ZNF236: variants seen among roughly 807,000 people sequenced by gnomAD.
ZNF236 encodes the protein regulated by glucose.
Under a neutral mutation model 191.2 loss-of-function variants are expected in ZNF236, and 50 were observed. The observed-to-expected ratio is 0.26, with a 90% CI of 0.21 to 0.33. ZNF236 has a LOEUF of 0.33. ZNF236 is among the 10% of genes least tolerant of loss of function. ZNF236 has a pLI of 1.00. For synonymous variants in ZNF236, 907 were observed against 928.8 expected, an observed-to-expected ratio of 0.98 and a Z score of 0.43; for missense variants, 1,754 against 2,374.5, an observed-to-expected ratio of 0.74 and a Z score of 5.43.
chr18:76,840,115 A>G (rs1975436115), intron 1 of ZNF236, among the ~76,000 whole-genome samples: 1 of 152,172 alleles, frequency 6.6e-6, no homozygotes, highest in Non-Finnish European at 1.5e-5. Flanking sequence ...ATATACATTT[A>G]CCCAAGTTTA....
At chr18:76,863,940 G>A (rs1042012855) in intron 3 of ZNF236, among the ~76,000 whole-genome samples, 1 of 152,220 alleles carries the variant, frequency 6.6e-6, no homozygotes, top group Non-Finnish European at 1.5e-5. Context: ...AACGTGGAGA[G>A]TGTTTTTGGA....
At chr18:76,862,012 C>T (rs1341254593) in intron 3 of ZNF236, among the ~76,000 whole-genome samples, 3 of 152,088 alleles carry the variant, frequency 2.0e-5, no homozygotes, top group Admixed American at 1.3e-4. Context: ...GACAGGCGCC[C>T]GTCACCACGC....
chr18:76,940,847 C>A (rs1968118753), intron 26 of ZNF236, among the ~76,000 whole-genome samples: 1 of 152,210 alleles, frequency 6.6e-6, no homozygotes, highest in Non-Finnish European at 1.5e-5. Context: ...ATCCAGGCCG[C>A]ACAGCAGGGG....
intron 25 of ZNF236, among the ~76,000 whole-genome samples, chr18:76,930,853 A>G (rs932279603): frequency 2.0e-5 from 3 of 152,260 alleles, no homozygotes; most frequent in African/African-American, 7.2e-5. Context: ...AGTAAAACTC[A>G]TAAGAAGTAT....
At chr18:76,944,396 TG>T (rs1240739058) in intron 26 of ZNF236, among the ~76,000 whole-genome samples, 4 of 152,228 alleles carry the variant, frequency 2.6e-5, no homozygotes, top group African/African-American at 9.6e-5. Flanking sequence ...TAGATTATAT[TG>T]TTTTAGCTGA....
At chr18:76,874,938 T>C (rs1024789835) in intron 5 of ZNF236, among the ~76,000 whole-genome samples, 3 of 152,200 alleles carry the variant, frequency 2.0e-5, no homozygotes, top group Non-Finnish European at 4.4e-5. Context: ...CTAGGGGGGA[T>C]TGGAAGCCAT....
intron 10 of ZNF236, 35 bp from the exon 11 acceptor site, chr18:76,898,984 G>C: frequency 6.4e-7 from 1 of 1,561,780 alleles, no homozygotes; most frequent in Non-Finnish European, 8.8e-7. Context: ...GTAATTTCTG[G>C]AAATAATTCT....
chr18:76,826,136 G>C (rs1200026794), intron 1 of ZNF236, among the ~76,000 whole-genome samples: 1 of 151,884 alleles, frequency 6.6e-6, no homozygotes, highest in Non-Finnish European at 1.5e-5. Context: ...TTCTTTTTGA[G>C]TTGGAGTCTC....
At position 76,840,223 on chromosome 18, in the gene ZNF236, G is replaced by A. The variant is rs551976610; in HGVS notation, c.56-9303G>A. Among the ~76,000 whole-genome samples, 13 of 152,314 alleles carry A rather than the reference G, an allele frequency of 8.5e-5. No individual in the cohort carries two copies. The East Asian group carries it at 2.5e-3, about 29-fold the overall frequency. On this transcript the variant is annotated intron_variant, in intron 1 of 30. Transcript: ENST00000320610. ...AAAATGAGGGAGACCGGCCGGGTGC[G>A]GTGGCTCACGCCTGTGATCCCAGCA...
At chr18:76,871,558 A>T (rs1345659175) in intron 4 of ZNF236, 143 bp from the exon 5 acceptor site, 1 of 806,758 alleles carries the variant, frequency 1.2e-6, no homozygotes, top group Middle Eastern at 2.3e-4. Context: ...ATACACACAG[A>T]CACATACATA....
In ZNF236 at chr18:76,905,386, A is replaced by G. The variant is rs2122743673; in HGVS notation, c.2268A>G (p.Leu756=). 1 of 1,614,120 alleles carries G rather than the reference A, an allele frequency of 6.2e-7. No homozygotes were observed. Among genetic ancestry groups the G allele is most frequent in the Non-Finnish European group, 8.5e-7 (1 of 1,179,966 alleles). The change falls in exon 13 of 31, where the codon CTA becomes CTG. Residue 756 remains leucine (L), a synonymous_variant. Transcript: ENST00000320610. ...GCCAAAAAACATTTAAGACTTCACTAAATTGCAAAAAGCACATGAAAACCC... is the reference window on the plus strand; with the variant it reads ...GCCAAAAAACATTTAAGACTTCACTGAATTGCAAAAAGCACATGAAAACCC... ...PYCQKTFKTS[L]NCKKHMKTHR...
At chr18:76,931,273 G>A (rs988995576) in intron 25 of ZNF236, 3 of 152,220 alleles carry the variant, frequency 2.0e-5, no homozygotes, top group Admixed American at 6.5e-5. Context: ...ATAAGAGGTC[G>A]GAGCTAAAGA....
At chr18:76,836,265 G>C (rs1288308069) in intron 1 of ZNF236, among the ~76,000 whole-genome samples, 1 of 151,862 alleles carries the variant, frequency 6.6e-6, no homozygotes, top group Non-Finnish European at 1.5e-5. Flanking sequence ...CAGTTGCCCA[G>C]GCTGGAGTGC....
At chr18:76,915,581 G>A in intron 18 of ZNF236, 66 bp from the exon 19 acceptor site, 1 of 1,473,660 alleles carries the variant, frequency 6.8e-7, no homozygotes, top group Admixed American at 1.7e-5. Context: ...GGTTTTGACT[G>A]CTTCTGGTTT....
At chr18:76,962,371 A>G (rs1185095691) in intron 30 of ZNF236, among the ~76,000 whole-genome samples, 3 of 151,974 alleles carry the variant, frequency 2.0e-5, no homozygotes, top group Admixed American at 2.0e-4. Flanking sequence ...GGCTATAAGT[A>G]TTTGGGTTTA....
chr18:76,902,502 T>C (rs1244913400), intron 11 of ZNF236, among the ~76,000 whole-genome samples: 2 of 152,128 alleles, frequency 1.3e-5, no homozygotes, highest in East Asian at 3.9e-4. Flanking sequence ...AGGCATGGCA[T>C]TCAGTCTGCA....
intron 14 of ZNF236, 98 bp downstream of exon 14, chr18:76,908,671 T>A: frequency 6.9e-7 from 1 of 1,452,976 alleles, no homozygotes; most frequent in East Asian, 2.3e-5. Flanking sequence ...TCACTGACTT[T>A]TAAAACAATT....
At chr18:76,962,406 A>G (rs1192035714) in intron 30 of ZNF236, among the ~76,000 whole-genome samples, 1 of 152,108 alleles carries the variant, frequency 6.6e-6, no homozygotes, top group Non-Finnish European at 1.5e-5. Context: ...ATTCAGTTCC[A>G]TTGGTCTGTA....
intron 7 of ZNF236, among the ~76,000 whole-genome samples, chr18:76,879,046 T>C (rs1467807793): frequency 6.6e-6 from 1 of 152,228 alleles, no homozygotes; most frequent in Non-Finnish European, 1.5e-5. Context: ...CCAATAATTA[T>C]GTCTTCAAAA....
Sources: allele counts gnomAD v4.1 joint callset (sites outside exome capture counted in the v4.1 genomes callset), GRCh38; gene constraint gnomAD v4.1.1; transcripts MANE v1.5; gene names NCBI Gene and HGNC (gene_info 2026-07-23, HGNC 2026-07-21).